Variants in NUP210L observed in about 807,000 individuals in gnomAD.
NUP210L encodes nucleoporin 210 like.
Under a neutral mutation model 208.5 loss-of-function variants are expected in NUP210L, and 74 were observed. The ratio of observed to expected loss-of-function variants is 0.35; its 90% confidence interval spans 0.29 to 0.43. The LOEUF (loss-of-function observed/expected upper bound fraction) is 0.43. NUP210L is among the 20% of genes least tolerant of loss of function. NUP210L has a pLI of 1.00. For synonymous variants in NUP210L, 780 were observed against 816.9 expected (o/e 0.95, Z 0.77); for missense variants, 1,843 against 2,289.4 (o/e 0.81, Z 3.98).
rs188300528 is a variant in NUP210L, at chr1:154,135,716, C to T, written c.1009+98G>A. 7.8e-5 allele frequency: 90 copies of T among 1,148,470 alleles called. 1 individual carries two copies. Among genetic ancestry groups the T allele is most frequent in the Middle Eastern group, 3.9e-4 (2 of 5,074 alleles). The allele number at this position is 1,148,470 out of a possible 1,614,324, so 71.1% of individuals were successfully genotyped here. A position where few individuals can be genotyped will look rare whatever the true frequency, so the allele number is the denominator to read the frequency against. ...AATTACAGGCGTGAGCCACCGCGCC[C>T]GGCCATAATCATTCTTAATAAATTA... On this transcript the variant is annotated intron_variant, in intron 7 of 39. Coordinates refer to ENST00000368559, the Ensembl canonical transcript of NUP210L.
chr1:154,142,253 AT>A lies in NUP210L; in HGVS notation c.473-730del, dbSNP rs202144884. ...ACAAAGAAAGTGGCAATACATTATA[AT>A]TTTTTTTTAATTAACCATGGGAAAC... On this transcript the variant is annotated intron_variant, in intron 3 of 39. Transcript: ENST00000368559. Among the ~76,000 whole-genome samples the A allele has an allele frequency of 9.6e-3, 1,452 of 151,528 alleles. 13 individuals carry two copies. Among genetic ancestry groups the A allele is most frequent in the Non-Finnish European group, 0.011 (768 of 67,840 alleles).
chr1:154,153,908 C>T lies in NUP210L; in HGVS notation c.203+934G>A, dbSNP rs116293871. On this transcript the variant is annotated intron_variant, in intron 1 of 39. Coordinates refer to ENST00000368559, the Ensembl canonical transcript of NUP210L. ...ATGAGAGGTGAATTTATACTCGGAACAAACCTCATTGCTTCTCCTAGGAGA... is the reference window on the plus strand; with the variant it reads ...ATGAGAGGTGAATTTATACTCGGAATAAACCTCATTGCTTCTCCTAGGAGA... Among the ~76,000 whole-genome samples the T allele has an allele frequency of 7.5e-3, 1,138 of 152,260 alleles. 12 individuals carry two copies. Among genetic ancestry groups the T allele is most frequent in the African/African-American group, 0.026 (1,096 of 41,570 alleles).
At chr1:154,072,394 GA>G (rs1235988537) in intron 16 of NUP210L, among the ~76,000 whole-genome samples, 3 of 127,816 alleles carry the variant, frequency 2.3e-5, no homozygotes, top group Non-Finnish European at 4.8e-5. Context: ...GTGCAGTGGT[GA>G]GATCTCGGCT....
chr1:154,014,678 C>A (rs1214909456), intron 33 of NUP210L, among the ~76,000 whole-genome samples: 1 of 152,188 alleles, frequency 6.6e-6, no homozygotes, highest in Non-Finnish European at 1.5e-5. Context: ...GCACCAGATA[C>A]CATGTGCACA....
At chr1:154,076,102 CTTT>C (rs60524355) in intron 16 of NUP210L, among the ~76,000 whole-genome samples, 75 of 117,906 alleles carry the variant, frequency 6.4e-4, no homozygotes, top group East Asian at 1.8e-3. Flanking sequence ...ACAAAGACTT[CTTT>C]TTTTTTTTTT....
intron 16 of NUP210L, among the ~76,000 whole-genome samples, chr1:154,087,587 C>G (rs191539258): frequency 4.3e-4 from 66 of 152,180 alleles, no homozygotes; most frequent in African/African-American, 1.4e-3. Flanking sequence ...CCACTCTTAG[C>G]TATATACTCA....
intron 36 of NUP210L, 144 bp from the exon 37 acceptor site, chr1:154,001,204 T>G (rs1650191967): frequency 1.3e-6 from 1 of 745,016 alleles, no homozygotes; most frequent in Non-Finnish European, 2.1e-6. Context: ...CATTTACTTT[T>G]TTGTTGTTGT....
intron 27 of NUP210L, among the ~76,000 whole-genome samples, chr1:154,032,834 T>C (rs964748399): frequency 6.6e-6 from 1 of 151,192 alleles, no homozygotes; most frequent in African/African-American, 2.4e-5. Context: ...AGGAGAATGG[T>C]GTGAACCTGG....
At chr1:154,048,364 G>T (rs1339759606) in intron 25 of NUP210L, among the ~76,000 whole-genome samples, 1 of 152,078 alleles carries the variant, frequency 6.6e-6, no homozygotes, top group African/African-American at 2.4e-5. Flanking sequence ...TCCCTGTTAG[G>T]ATACACCCCC....
chr1:154,001,204 T>C, intron 36 of NUP210L, 144 bp from the exon 37 acceptor site: 2 of 745,016 alleles, frequency 2.7e-6, no homozygotes, highest in South Asian at 3.8e-5. Context: ...CATTTACTTT[T>C]TTGTTGTTGT....
At chr1:154,113,598 G>A (rs1003687327) in intron 12 of NUP210L, among the ~76,000 whole-genome samples, 7 of 151,590 alleles carry the variant, frequency 4.6e-5, no homozygotes, top group East Asian at 1.9e-4. Flanking sequence ...GGTGGCTCAC[G>A]CCTGTAATCC....
At chr1:154,073,850 A>AAATT (rs1363760434) in intron 16 of NUP210L, among the ~76,000 whole-genome samples, 2 of 150,970 alleles carry the variant, frequency 1.3e-5, no homozygotes, top group Non-Finnish European at 3.0e-5. Flanking sequence ...ATAAATAAAT[A>AAATT]AATAAATAAA....
intron 12 of NUP210L, among the ~76,000 whole-genome samples, chr1:154,111,887 G>C (rs1010330510): frequency 2.6e-5 from 4 of 151,526 alleles, no homozygotes; most frequent in South Asian, 2.1e-4. Flanking sequence ...AAAAACTCTT[G>C]ACAAAATATT....
In NUP210L at chr1:154,155,086, C is replaced by T; in HGVS notation, c.-42G>A. ...CGGGTTCCCGCTCAACTACAGCCGGCTCACAGCTCCATCAGCCAATCCACA... is the reference window on the plus strand; with the variant it reads ...CGGGTTCCCGCTCAACTACAGCCGGTTCACAGCTCCATCAGCCAATCCACA... On this transcript the variant is annotated 5_prime_UTR_variant, in exon 1 of 40. Coordinates refer to ENST00000368559, the Ensembl canonical transcript of NUP210L. 1 of 1,431,890 alleles carries T rather than the reference C, an allele frequency of 7.0e-7. No homozygotes were observed. Among genetic ancestry groups the T allele is most frequent in the Non-Finnish European group, 9.7e-7 (1 of 1,036,018 alleles). 88.7% of individuals were successfully genotyped at this position (1,431,890 alleles called of 1,614,324 possible).
intron 2 of NUP210L, among the ~76,000 whole-genome samples, chr1:154,152,104 A>G (rs12756948): frequency 0.051 from 6,144 of 119,792 alleles, 186 homozygotes; most frequent in Middle Eastern, 0.1. Context: ...AAAAAAAAAA[A>G]AAAGAAAGAA....
At chr1:154,117,855 G>A (rs1657412883) in exon 12 of NUP210L, 2 of 1,612,058 alleles carry the variant, frequency 1.2e-6, no homozygotes, top group Non-Finnish European at 1.7e-6. Flanking sequence ...AGAAGTCCAG[G>A]TAAAGTTGCC....
At chr1:154,105,799 C>T (rs1656726902) in intron 12 of NUP210L, among the ~76,000 whole-genome samples, 1 of 152,160 alleles carries the variant, frequency 6.6e-6, no homozygotes, top group Non-Finnish European at 1.5e-5. Flanking sequence ...CAGAGGGGAG[C>T]CCACTTCACT....
intron 12 of NUP210L, among the ~76,000 whole-genome samples, chr1:154,106,823 C>T (rs1656786548): frequency 6.6e-6 from 1 of 152,248 alleles, no homozygotes; most frequent in African/African-American, 2.4e-5. Context: ...CCGCCCAACG[C>T]AGATATGTAC....
chr1:154,086,655 A>G (rs961067787), intron 16 of NUP210L, among the ~76,000 whole-genome samples: 1 of 151,870 alleles, frequency 6.6e-6, no homozygotes, highest in East Asian at 1.9e-4. Flanking sequence ...TACAGAAAAA[A>G]AAAAAAATTA....
Sources: allele counts gnomAD v4.1 joint callset (sites outside exome capture counted in the v4.1 genomes callset), GRCh38; gene constraint gnomAD v4.1.1; transcripts MANE v1.5; gene names NCBI Gene and HGNC (gene_info 2026-07-23, HGNC 2026-07-21).